The following PARP15 variants were observed in gnomAD, a reference collection of about 807,000 sequenced individuals.
The protein encoded by PARP15 is poly(ADP-ribose) polymerase family member 15, also known as protein mono-ADP-ribosyltransferase PARP15.
A neutral mutation model predicts 62.1 loss-of-function variants in PARP15; 50 were observed. The ratio of observed to expected loss-of-function variants is 0.81; its 90% confidence interval spans 0.64 to 1.02. The LOEUF (loss-of-function observed/expected upper bound fraction) is 1.02. Ranked by LOEUF, PARP15 falls within the 50% of genes least tolerant of loss-of-function variation. PARP15 has a pLI of 0.00. For synonymous variants in PARP15, 309 were observed against 293.1 expected, an observed-to-expected ratio of 1.05 and a Z score of -0.55; for missense variants, 820 against 826.5, an observed-to-expected ratio of 0.99 and a Z score of 0.10.
intron 8 of PARP15, among the ~76,000 whole-genome samples, chr3:122,621,926 A>G (rs902778453): frequency 4.6e-5 from 7 of 152,050 alleles, no homozygotes; most frequent in Non-Finnish European, 1.0e-4. Context: ...AGCCTCCCAA[A>G]TAGCTAGGAC....
chr3:122,632,861 C>T (rs1445959757), intron 10 of PARP15, among the ~76,000 whole-genome samples: 1 of 152,154 alleles, frequency 6.6e-6, no homozygotes, highest in Admixed American at 6.5e-5. Context: ...AGACTCCATC[C>T]TAGAACTATA....
chr3:122,610,451 T>G, intron 2 of PARP15, 43 bp from the exon 3 acceptor site: 1 of 1,457,168 alleles, frequency 6.9e-7, no homozygotes, highest in Non-Finnish European at 9.4e-7. Context: ...TCCATCATTA[T>G]GTATTATTGA....
At chr3:122,617,698 C>G (rs1374043705) in intron 6 of PARP15, among the ~76,000 whole-genome samples, 8 of 152,102 alleles carry the variant, frequency 5.3e-5, no homozygotes, top group Admixed American at 5.2e-4. Context: ...CCTCATATGT[C>G]TATTAATTTA....
intron 8 of PARP15, among the ~76,000 whole-genome samples, chr3:122,623,793 G>A (rs773045959): frequency 2.6e-5 from 4 of 152,190 alleles, no homozygotes; most frequent in African/African-American, 2.4e-5. Context: ...TTTTGATGAT[G>A]CCTTCAGAGA....
intron 1 of PARP15, among the ~76,000 whole-genome samples, chr3:122,599,067 T>C (rs922114472): frequency 2.0e-5 from 3 of 152,156 alleles, no homozygotes; most frequent in Admixed American, 2.0e-4. Context: ...AGCTAATTTT[T>C]TGTATTTTTA....
chr3:122,585,878 T>C (rs1017836104), intron 1 of PARP15, among the ~76,000 whole-genome samples: 2 of 152,248 alleles, frequency 1.3e-5, no homozygotes, highest in Admixed American at 6.5e-5. Flanking sequence ...ATTTCTTGAG[T>C]AACTGCTGTT....
At position 122,609,356 on chromosome 3, in the gene PARP15, G is replaced by A. The variant is rs544140721; in HGVS notation, c.307-1138G>A. Among the ~76,000 whole-genome samples, 14 of 152,210 alleles carry A rather than the reference G, an allele frequency of 9.2e-5. No homozygotes were observed. The East Asian group carries it at 2.7e-3, about 29-fold the overall frequency. ...ACCTATTATATGTCCCAGAGACATA[G>A]ACATCTTTTAATTTACAATGAAGAA... On this transcript the variant is annotated intron_variant, in intron 2 of 11. Transcript: ENST00000464300.
chr3:122,619,499 G>A (rs1936199349), intron 6 of PARP15, among the ~76,000 whole-genome samples: 1 of 152,120 alleles, frequency 6.6e-6, no homozygotes. Flanking sequence ...AGGGTAGAAT[G>A]CAAAAAATTT....
intron 6 of PARP15, among the ~76,000 whole-genome samples, chr3:122,619,486 A>G (rs1936198747): frequency 6.6e-6 from 1 of 152,222 alleles, no homozygotes; most frequent in Admixed American, 6.5e-5. Context: ...TTACAAAATA[A>G]TAAGGGTAGA....
At chr3:122,628,327 C>T (rs1188030562) in intron 9 of PARP15, among the ~76,000 whole-genome samples, 1 of 152,182 alleles carries the variant, frequency 6.6e-6, no homozygotes, top group Non-Finnish European at 1.5e-5. Context: ...CTCCACACTT[C>T]AGCTAGAGGG....
chr3:122,590,707 T>C (rs1361110681), intron 1 of PARP15, among the ~76,000 whole-genome samples: 2 of 152,248 alleles, frequency 1.3e-5, no homozygotes, highest in South Asian at 2.1e-4. Context: ...CTCTTTATTA[T>C]GCTAAGGGAA....
chr3:122,594,557 G>C, intron 1 of PARP15: 1 of 982,078 alleles, frequency 1.0e-6, no homozygotes, highest in Non-Finnish European at 1.2e-6. Flanking sequence ...GGTAGGCAAC[G>C]TAGGGTAAGT....
At position 122,626,933 on chromosome 3, in the gene PARP15, C is replaced by A. The variant is rs759214290; in HGVS notation, c.1338C>A (p.Val446=). The change falls in exon 9 of 12, where the codon GTC becomes GTA. Residue 446 remains valine (V), a synonymous_variant. Coordinates refer to ENST00000464300, the MANE Select transcript of PARP15 (RefSeq NM_001113523.3). The part of the protein sequence containing the change: ...STPSLKTVKV[V]IFQPELLNIF... ...CATCATTAAAAACAGTTAAAGTTGT[C>A]ATTTTTCAACCTGAGCTGCTAAATA... is the stretch of plus-strand genomic sequence containing the variant. The A allele has an allele frequency of 1.9e-6, 3 of 1,613,806 alleles. No homozygotes were observed. The highest frequency in any genetic ancestry group is 1.3e-5 in the African/African-American group (1 of 74,854).
intron 3 of PARP15, among the ~76,000 whole-genome samples, chr3:122,611,919 G>A (rs538072440): frequency 6.6e-6 from 1 of 151,598 alleles, no homozygotes; most frequent in South Asian, 2.1e-4. Flanking sequence ...TCTCCATGTT[G>A]GTCAGGCTGG....
rs6793299 is a variant in PARP15, at chr3:122,619,945, C to A, written c.1063+102C>A. 19,437 of 1,063,718 alleles carry A rather than the reference C, an allele frequency of 0.018. 1,619 individuals are homozygous for A. The African/African-American group carries it at 0.22, about 12-fold the overall frequency. The allele number at this position is 1,063,718 out of a possible 1,614,324, so 65.9% of individuals were successfully genotyped here. ...GACTGGAGGTGGAGTAAGTAGCGAG[C>A]AAAACTTTGCAAGAAGGTTGGTTCA... On this transcript the variant is annotated intron_variant, in intron 7 of 11. Coordinates refer to ENST00000464300, the MANE Select transcript of PARP15 (RefSeq NM_001113523.3).
At chr3:122,619,717 C>T in intron 6 of PARP15, 64 bp from the exon 7 acceptor site, 1 of 1,397,898 alleles carries the variant, frequency 7.2e-7, no homozygotes, top group Non-Finnish European at 1.0e-6. Context: ...GTCTAATGTA[C>T]AAAAACTATA....
chr3:122,632,088 A>G lies in PARP15; in HGVS notation c.1441A>G (p.Asn481Asp), dbSNP rs770329240. ...FQSTFSMTTC[N>D]LPEHWTDMNH... is the part of the protein sequence containing the mutation. ...TTGACCAAATGCTGACTTTCCAGGT[A>G]ATCTTCCTGAACACTGGACTGACAT... The change falls in exon 10 of 12, where the codon AAT becomes GAT. Residue 481 changes from asparagine (N) to aspartate (D), a missense_variant and splice_region_variant. Coordinates refer to ENST00000464300, the MANE Select transcript of PARP15 (RefSeq NM_001113523.3). The G allele has an allele frequency of 6.2e-7, 1 of 1,614,036 alleles. No homozygotes were observed. Among genetic ancestry groups the G allele is most frequent in the Non-Finnish European group, 8.5e-7 (1 of 1,179,968 alleles).
At chr3:122,615,676 C>T in intron 4 of PARP15, 103 bp from the exon 5 acceptor site, 1 of 1,586,260 alleles carries the variant, frequency 6.3e-7, no homozygotes, top group Non-Finnish European at 8.6e-7. Flanking sequence ...ATTTTGAGAA[C>T]TATTGTTATC....
At chr3:122,627,838 T>G (rs528122959) in intron 9 of PARP15, among the ~76,000 whole-genome samples, 4 of 152,366 alleles carry the variant, frequency 2.6e-5, no homozygotes, top group South Asian at 4.1e-4. Context: ...ACACAATACA[T>G]GTAGGACACA....
Sources: allele counts gnomAD v4.1 joint callset (sites outside exome capture counted in the v4.1 genomes callset), GRCh38; gene constraint gnomAD v4.1.1; transcripts MANE v1.5; gene names NCBI Gene and HGNC (gene_info 2026-07-23, HGNC 2026-07-21).